The following PDS5A variants were observed in gnomAD, a reference collection of about 807,000 sequenced individuals.
The protein encoded by PDS5A is PDS5 cohesin associated factor A, also known as sister chromatid cohesion protein PDS5 homolog A.
Under a neutral mutation model 167.1 loss-of-function variants are expected in PDS5A, and 42 were observed. That is an observed-to-expected ratio of 0.25 (90% CI 0.20 to 0.33). The LOEUF (loss-of-function observed/expected upper bound fraction) is 0.33. Ranked by LOEUF, PDS5A falls within the 10% of genes least tolerant of loss-of-function variation. PDS5A has a pLI of 1.00. For missense variants in PDS5A, 1,033 were observed against 1,605.9 expected, an observed-to-expected ratio of 0.64 and a Z score of 6.10; for synonymous variants, 553 against 554.6, an observed-to-expected ratio of 1.00 and a Z score of 0.04.
Position 39,863,306 on chromosome 4 carries a change from G to A in PDS5A, c.2766+30C>T, listed in dbSNP as rs772423568. 12 of 1,520,854 alleles carry A rather than the reference G, an allele frequency of 7.9e-6. No homozygotes were observed. In the African/African-American group the frequency reaches 1.5e-4, roughly 19 times the overall value. 94.2% of individuals were successfully genotyped at this position (1,520,854 alleles called of 1,614,324 possible). A position where few individuals can be genotyped will look rare whatever the true frequency, so the allele number is the denominator to read the frequency against. ...GTAATGTATTCAACTTTGAAGATAA[G>A]TAATTGACAAAAATAAGATTGTTAC... is the stretch of plus-strand genomic sequence containing the variant. On this transcript the variant is annotated intron_variant, in intron 24 of 32. Coordinates refer to ENST00000303538, the MANE Select transcript of PDS5A (RefSeq NM_001100399.2).
intron 2 of PDS5A, among the ~76,000 whole-genome samples, chr4:39,931,363 G>C (rs1172511462): frequency 6.6e-6 from 1 of 151,960 alleles, no homozygotes; most frequent in African/African-American, 2.4e-5. Context: ...AAAACTCAGT[G>C]CCTTAAAACA....
chr4:39,902,359 G>A lies in PDS5A; in HGVS notation c.1487C>T (p.Pro496Leu). The change falls in exon 13 of 33, where the codon CCA (proline) becomes CTA (leucine). Residue 496 changes from proline (P) to leucine (L), a missense_variant. Coordinates refer to ENST00000303538, the MANE Select transcript of PDS5A (RefSeq NM_001100399.2). ...AAAAGTAACTTACTTTACAGCATTT[G>A]GATCCAAACTAGCATATAAGTAATA... ...CLYYLYASLD[P>L]NAVKALNEMW... is the part of the protein sequence containing the mutation. 4 of 1,492,828 alleles carry A rather than the reference G, an allele frequency of 2.7e-6. No individual in the cohort carries two copies. The highest frequency in any genetic ancestry group is 1.2e-5 in the South Asian group (1 of 83,056). 92.5% of individuals were successfully genotyped at this position (1,492,828 alleles called of 1,614,324 possible). A position where few individuals can be genotyped will look rare whatever the true frequency, so the allele number is the denominator to read the frequency against.
At chr4:39,832,138 A>G (rs1437759611) in intron 32 of PDS5A, among the ~76,000 whole-genome samples, 1 of 151,806 alleles carries the variant, frequency 6.6e-6, no homozygotes, top group East Asian at 2.0e-4. Flanking sequence ...CAAAACAAAA[A>G]CCCAAAAACA....
chr4:39,954,406 C>A (rs1728712949), intron 2 of PDS5A, among the ~76,000 whole-genome samples: 1 of 151,894 alleles, frequency 6.6e-6, no homozygotes, highest in Admixed American at 6.6e-5. Flanking sequence ...GCAACCTCCA[C>A]CTCCCAGGTT....
chr4:39,952,136 C>T (rs1346070595), intron 2 of PDS5A, among the ~76,000 whole-genome samples: 1 of 151,898 alleles, frequency 6.6e-6, no homozygotes, highest in African/African-American at 2.4e-5. Flanking sequence ...TCGAGACCAG[C>T]ATGGCCAACA....
At chr4:39,829,422 G>A (rs1047156157) in intron 32 of PDS5A, among the ~76,000 whole-genome samples, 1 of 152,098 alleles carries the variant, frequency 6.6e-6, no homozygotes, top group Non-Finnish European at 1.5e-5. Context: ...AGGCCGAGGT[G>A]GGTGGATCAC....
chr4:39,883,799 T>G (rs1264661158), intron 17 of PDS5A, among the ~76,000 whole-genome samples: 1 of 151,982 alleles, frequency 6.6e-6, no homozygotes, highest in African/African-American at 2.4e-5. Flanking sequence ...TCCTGCTAAT[T>G]TCTGTATTTT....
chr4:39,929,677 C>T (rs564704384), intron 2 of PDS5A, among the ~76,000 whole-genome samples: 9 of 149,504 alleles, frequency 6.0e-5, no homozygotes, highest in South Asian at 4.2e-4. Flanking sequence ...TACAATCTGT[C>T]GCCACTGTCA....
intron 2 of PDS5A, chr4:39,973,542 T>C: frequency 7.6e-7 from 1 of 1,313,552 alleles, no homozygotes; most frequent in Non-Finnish European, 1.1e-6. Flanking sequence ...GTACAATCAC[T>C]AGTGCAAAGG....
At chr4:39,918,461 A>C (rs532292527) in intron 7 of PDS5A, among the ~76,000 whole-genome samples, 1 of 152,300 alleles carries the variant, frequency 6.6e-6, no homozygotes, top group East Asian at 1.9e-4. Flanking sequence ...AGAAGAATTA[A>C]ATTTTTAAAA....
chr4:39,917,093 A>G lies in PDS5A; in HGVS notation c.831T>C (p.Pro277=), dbSNP rs1158086531. The part of the protein sequence containing the change: ...DLIQELFAID[P]HLLLSVMPQL... ...GTGGCATGACGGATAATAATAAATG[A>G]GGATCTATAGCAAAAAGTTCCTGAA... The change falls in exon 8 of 33, where the codon CCT becomes CCC. Residue 277 remains proline (P), a synonymous_variant. Coordinates refer to ENST00000303538, the MANE Select transcript of PDS5A (RefSeq NM_001100399.2). 8 of 1,553,390 alleles carry G rather than the reference A, an allele frequency of 5.2e-6. No individual in the cohort carries two copies. Among genetic ancestry groups the G allele is most frequent in the Non-Finnish European group, 6.9e-6 (8 of 1,151,572 alleles).
intron 7 of PDS5A, among the ~76,000 whole-genome samples, chr4:39,918,922 A>T (rs1036078413): frequency 6.6e-6 from 1 of 152,194 alleles, no homozygotes; most frequent in Non-Finnish European, 1.5e-5. Flanking sequence ...GAAAATAATG[A>T]AGAAGATAGT....
chr4:39,969,465 G>A (rs1245978283), intron 2 of PDS5A, among the ~76,000 whole-genome samples: 1 of 152,062 alleles, frequency 6.6e-6, no homozygotes, highest in Non-Finnish European at 1.5e-5. Context: ...TCACCAGTTC[G>A]AGACCAGCCT....
At chr4:39,837,793 G>C in intron 32 of PDS5A, 63 bp downstream of exon 32, 1 of 1,269,828 alleles carries the variant, frequency 7.9e-7, no homozygotes, top group East Asian at 2.3e-5. Flanking sequence ...CTGGCACTAA[G>C]AATATACTAC....
chr4:39,977,863 G>A lies in PDS5A; in HGVS notation c.-447C>T, dbSNP rs1293863240. ...CCGGCCGTCCGTGCCCCGGGAGCCG[G>A]GGCCTCGCGCACACACCGGCCGGTC... On this transcript the variant is annotated 5_prime_UTR_variant, in exon 1 of 33. Transcript: ENST00000303538. This position sits in a 1 kb window ranked among gnomAD's most constrained non-coding sequence, Gnocchi z 4.2. 10 of 150,024 alleles carry A rather than the reference G, an allele frequency of 6.7e-5. No homozygotes were observed. The highest frequency in any genetic ancestry group is 2.0e-4 in the Admixed American group (3 of 15,096). 9.3% of individuals were successfully genotyped at this position (150,024 alleles called of 1,614,324 possible).
chr4:39,916,601 C>T (rs191532569), intron 8 of PDS5A, among the ~76,000 whole-genome samples: 1,764 of 152,178 alleles, frequency 0.012, 16 homozygotes, highest in Non-Finnish European at 0.019. Flanking sequence ...GGCGTGGTGG[C>T]TCACGCTTGT....
intron 28 of PDS5A, 27 bp from the exon 29 acceptor site, chr4:39,845,907 A>G: frequency 7.6e-7 from 1 of 1,322,864 alleles, no homozygotes; most frequent in Non-Finnish European, 9.8e-7. Flanking sequence ...AGAAAAAGAA[A>G]AAAGAAACAC....
intron 32 of PDS5A, among the ~76,000 whole-genome samples, chr4:39,833,124 G>A (rs1716061519): frequency 7.1e-6 from 1 of 140,362 alleles, no homozygotes; most frequent in South Asian, 2.3e-4. Context: ...CTAGGAGGCA[G>A]AGGTTGCAGT....
chr4:39,908,612 C>G (rs889586799), intron 10 of PDS5A, 72 bp from the exon 11 acceptor site: 14 of 909,138 alleles, frequency 1.5e-5, no homozygotes, highest in Non-Finnish European at 2.4e-5. Flanking sequence ...ATGGCAAGAA[C>G]AGAAATATGT....
Sources: allele counts gnomAD v4.1 joint callset (sites outside exome capture counted in the v4.1 genomes callset), GRCh38; gene constraint gnomAD v4.1.1; non-coding constraint Gnocchi (gnomAD v3.1); transcripts MANE v1.5; gene names NCBI Gene and HGNC (gene_info 2026-07-23, HGNC 2026-07-21).